RCN2: variants seen among roughly 807,000 people sequenced by gnomAD.
The protein encoded by RCN2 is reticulocalbin 2, also known as reticulocalbin-2.
RCN2 carries 23 observed loss-of-function variants against 37.5 expected under a neutral mutation model. The ratio of observed to expected loss-of-function variants is 0.61; its 90% CI spans 0.44 to 0.87. The LOEUF is 0.87. Among genes scored for constraint, RCN2 ranks in the 40% least tolerant of loss-of-function variants. RCN2 has a pLI of 0.00. For synonymous variants in RCN2, 140 were observed against 144.6 expected (o/e 0.97, Z 0.23); for missense variants, 381 against 390.4 (o/e 0.98, Z 0.20).
chr15:76,932,288 C>T lies in RCN2; in HGVS notation c.145-73C>T, dbSNP rs2075227289. The T allele has an allele frequency of 1.6e-5, 19 of 1,188,474 alleles. No individual in the cohort carries two copies. In the South Asian group the frequency reaches 2.3e-4, roughly 14 times the overall value. 73.6% of individuals were successfully genotyped at this position (1,188,474 alleles called of 1,614,324 possible). A position where few individuals can be genotyped will look rare whatever the true frequency, so the allele number is the denominator to read the frequency against. On this transcript the variant is annotated intron_variant, in intron 1 of 6. Transcript: ENST00000394885. ...CTTTGGCAAGGGGGTCTTCTAGTAG[C>T]CCTGTTTTTCTCCACCATTTTGCCC...
At chr15:76,932,260 A>T in intron 1 of RCN2, 101 bp from the exon 2 acceptor site, 1 of 939,034 alleles carries the variant, frequency 1.1e-6, no homozygotes, top group East Asian at 2.6e-5. Flanking sequence ...TCACCCCGAA[A>T]CCCTTTGGCA....
Position 76,946,067 on chromosome 15 carries a change from C to G in RCN2, c.562-1354C>G, listed in dbSNP as rs556972663. Among the ~76,000 whole-genome samples, 7 of 152,314 alleles carry G rather than the reference C, an allele frequency of 4.6e-5. No homozygotes were observed. In the East Asian group the frequency reaches 1.4e-3, roughly 29 times the overall value. On this transcript the variant is annotated intron_variant, in intron 4 of 6. Transcript: ENST00000394885. ...GCATAATGTGATACGGCCCAGAGTT[C>G]TATCTGGCAATTGAATGAAATAGAT... is the stretch of plus-strand genomic sequence containing the variant.
At chr15:76,941,393 G>T (rs747330781) in intron 3 of RCN2, 1 of 316,510 alleles carries the variant, frequency 3.2e-6, no homozygotes, top group East Asian at 5.0e-5. Context: ...TTAATGCCTA[G>T]TCATTTGTTC....
chr15:76,942,100 G>C (rs2075278727), intron 3 of RCN2: 1 of 153,260 alleles, frequency 6.5e-6, no homozygotes. Context: ...TTTCTGTCAT[G>C]ATTGGGTGAA....
At chr15:76,932,229 G>T in intron 1 of RCN2, 132 bp from the exon 2 acceptor site, 2 of 762,020 alleles carry the variant, frequency 2.6e-6, no homozygotes, top group South Asian at 1.7e-5. Context: ...GGGGGTAGGG[G>T]CCTTGAAGTG....
chr15:76,946,462 A>C (rs950619739), intron 4 of RCN2, among the ~76,000 whole-genome samples: 13 of 150,570 alleles, frequency 8.6e-5, no homozygotes, highest in Non-Finnish European at 1.3e-4. Context: ...AAAAAAAAGA[A>C]GGGGGAGGGC....
rs1001441239 is a variant in RCN2 at position 76,931,872 on chromosome 15, G to T, written c.31G>T (p.Gly11Trp). The T allele has an allele frequency of 1.1e-4, 145 of 1,308,508 alleles. No individual in the cohort carries two copies. The highest frequency in any genetic ancestry group is 4.3e-4 in the African/African-American group (28 of 64,392). 81.1% of individuals were successfully genotyped at this position (1,308,508 alleles called of 1,614,324 possible). MRLGPRTAAL[G>W]LLLLCAAAAG... ...GCTGGGCCCGAGGACCGCGGCGTTGGGGCTGCTGCTGCTGTGCGCCGCCGC... is the reference window on the plus strand; with the variant it reads ...GCTGGGCCCGAGGACCGCGGCGTTGTGGCTGCTGCTGCTGTGCGCCGCCGC... Residue 11 changes from glycine to tryptophan, a missense_variant, in exon 1 of 7, where the codon GGG (glycine) becomes TGG (tryptophan). Coordinates refer to ENST00000394885, the MANE Select transcript of RCN2 (RefSeq NM_002902.3).
At chr15:76,945,107 T>C (rs1321886796) in intron 4 of RCN2, among the ~76,000 whole-genome samples, 2 of 152,226 alleles carry the variant, frequency 1.3e-5, no homozygotes, top group Admixed American at 6.5e-5. Flanking sequence ...AAAATTAGGC[T>C]TGGTAAGGAG....
chr15:76,942,454 T>C (rs570833870), intron 3 of RCN2: 21 of 152,170 alleles, frequency 1.4e-4, no homozygotes, highest in Non-Finnish European at 2.8e-4. Context: ...AGAATTACCA[T>C]TGAAAATTTT....
At chr15:76,940,774 C>A (rs2075273959) in intron 3 of RCN2, among the ~76,000 whole-genome samples, 1 of 151,940 alleles carries the variant, frequency 6.6e-6, no homozygotes, top group Admixed American at 6.6e-5. Context: ...GTTGGTCAGG[C>A]TGGTCTCAAA....
chr15:76,937,652 C>T (rs925959876), intron 3 of RCN2, among the ~76,000 whole-genome samples: 1 of 152,104 alleles, frequency 6.6e-6, no homozygotes, highest in African/African-American at 2.4e-5. Flanking sequence ...AAGTGATCTA[C>T]CCACCTCAGC....
rs1282226512 is a variant in RCN2, at chr15:76,950,683, A to C, written c.*1461A>C. 6.6e-6 allele frequency: 1 copy of C among 152,118 alleles called. No individual in the cohort carries two copies. The highest frequency in any genetic ancestry group is 1.9e-4 in the East Asian group (1 of 5,192). The allele number at this position is 152,118 out of a possible 1,614,324, so 9.4% of individuals were successfully genotyped here. The stretch of plus-strand genomic sequence containing the variant: ...GAATTACAGGCGTGAGCCAACGCGC[A>C]CGGCCTCTAGTTTTTCATTCTTTAA... On this transcript the variant is annotated 3_prime_UTR_variant, in exon 7 of 7. Coordinates refer to ENST00000394885, the MANE Select transcript of RCN2 (RefSeq NM_002902.3).
chr15:76,934,712 C>G (rs1174715112), intron 2 of RCN2, among the ~76,000 whole-genome samples: 1 of 152,168 alleles, frequency 6.6e-6, no homozygotes, highest in Non-Finnish European at 1.5e-5. Context: ...TTTAATTCAA[C>G]TCACATAAAA....
At chr15:76,940,270 G>A (rs373762009) in intron 3 of RCN2, among the ~76,000 whole-genome samples, 6 of 151,498 alleles carry the variant, frequency 4.0e-5, no homozygotes, top group African/African-American at 9.7e-5. Flanking sequence ...TTTGAGGCCA[G>A]TCTGGACAAC....
At chr15:76,940,460 A>G (rs771337330) in intron 3 of RCN2, among the ~76,000 whole-genome samples, 14 of 152,136 alleles carry the variant, frequency 9.2e-5, no homozygotes, top group Non-Finnish European at 2.1e-4. Context: ...AATCATAAAA[A>G]GTAATTGGAT....
At position 76,953,751 on chromosome 15, in the gene RCN2, G is replaced by A. The variant is rs1401376938; in HGVS notation, c.*4529G>A. The A allele has an allele frequency of 2.0e-5, 3 of 148,374 alleles. No individual in the cohort carries two copies. The highest frequency in any genetic ancestry group is 2.0e-4 in the East Asian group (1 of 5,094). 9.2% of individuals were successfully genotyped at this position (148,374 alleles called of 1,614,324 possible). On this transcript the variant is annotated 3_prime_UTR_variant, in exon 7 of 7. Coordinates refer to ENST00000394885, the MANE Select transcript of RCN2 (RefSeq NM_002902.3). ...GCCTCCCGAGTAGCTGGGACTATAG[G>A]CGCCTGCCACCGCACCCGGCTAATT... is the stretch of plus-strand genomic sequence containing the variant.
At position 76,953,559 on chromosome 15, in the gene RCN2, A is replaced by ATAT. The variant is rs1383015948; in HGVS notation, c.*4338_*4340dup. ...TTGCTGGATCATATAGTAATTCTAT[A>ATAT]TATATATATATATATATATATATAT... On this transcript the variant is annotated 3_prime_UTR_variant, in exon 7 of 7. Transcript: ENST00000394885. 1 of 9,548 alleles carries ATAT rather than the reference A, an allele frequency of 1.0e-4. No homozygotes were observed. The highest frequency in any genetic ancestry group is 1.7e-4 in the Non-Finnish European group (1 of 5,812). 0.6% of individuals were successfully genotyped at this position (9,548 alleles called of 1,614,324 possible).
chr15:76,935,189 T>C (rs1451356161), intron 2 of RCN2, among the ~76,000 whole-genome samples: 1 of 152,124 alleles, frequency 6.6e-6, no homozygotes, highest in Non-Finnish European at 1.5e-5. Context: ...CCGGGTGTGG[T>C]GGCACATGCC....
Position 76,953,593 on chromosome 15 carries a change from A to ATTTTTTTT in RCN2, c.*4396_*4403dup, listed in dbSNP as rs71143379. ...TATATATATATATATATATATATAT[A>ATTTTTTTT]TTTTTTTTTTTTTTTTTTTTTTTTT... On this transcript the variant is annotated 3_prime_UTR_variant, in exon 7 of 7. Transcript: ENST00000394885. The ATTTTTTTT allele has an allele frequency of 3.0e-4, 3 of 9,840 alleles. 1 individual carries two copies. Among genetic ancestry groups the ATTTTTTTT allele is most frequent in the Admixed American group, 3.7e-3 (2 of 544 alleles). 0.6% of individuals were successfully genotyped at this position (9,840 alleles called of 1,614,324 possible).
Sources: gnomAD v4.1 joint callset for allele counts (sites outside exome capture counted in the v4.1 genomes callset) on GRCh38, gnomAD v4.1.1 for gene constraint, MANE v1.5 for transcripts, NCBI Gene and HGNC (gene_info 2026-07-23, HGNC 2026-07-21) for gene names.